The following MAN2A1 variants were observed in gnomAD, a reference collection of about 807,000 sequenced individuals.
MAN2A1 encodes mannosidase alpha class 2A member 1.
Under a neutral mutation model 142.6 loss-of-function variants are expected in MAN2A1, and 76 were observed. That is an observed-to-expected ratio of 0.53 (90% confidence interval 0.44 to 0.65). The LOEUF (loss-of-function observed/expected upper bound fraction) is 0.65, where lower values mean the gene tolerates loss of function less well. Ranked by LOEUF, MAN2A1 falls within the 30% of genes least tolerant of loss-of-function variation. MAN2A1 has a pLI of 0.00. For missense variants in MAN2A1, 1,311 were observed against 1,365.1 expected, an observed-to-expected ratio of 0.96 and a Z score of 0.62; for synonymous variants, 559 against 473.2, an observed-to-expected ratio of 1.18 and a Z score of -2.35.
At chr5:109,739,528 ATTGAGTCTTTTCTGGCT>A (rs902969147) in intron 4 of MAN2A1, among the ~76,000 whole-genome samples, 2 of 152,030 alleles carry the variant, frequency 1.3e-5, no homozygotes, top group African/African-American at 4.8e-5. Flanking sequence ...GTACTCTGGT[ATTGAGTCTTTTCTGGCT>A]TTGAGTATTT....
chr5:109,753,385 G>A (rs76226416), intron 4 of MAN2A1, among the ~76,000 whole-genome samples: 2,814 of 152,232 alleles, frequency 0.018, 34 homozygotes, highest in Middle Eastern at 0.071. Context: ...AAAGAAGGGC[G>A]TTTTTTAGAA....
chr5:109,701,327 C>T (rs1159682127), intron 1 of MAN2A1, among the ~76,000 whole-genome samples: 2 of 152,144 alleles, frequency 1.3e-5, no homozygotes, highest in Non-Finnish European at 2.9e-5. Flanking sequence ...AAGTACGGTG[C>T]TTATGAAGGC....
intron 9 of MAN2A1, among the ~76,000 whole-genome samples, chr5:109,784,276 CCT>C (rs1356318924): frequency 6.6e-6 from 1 of 152,198 alleles, no homozygotes; most frequent in Non-Finnish European, 1.5e-5. Flanking sequence ...CCTCTCCTCT[CCT>C]CTGAGTGTCC....
chr5:109,867,055 A>T lies in MAN2A1; in HGVS notation c.*57A>T. 7.0e-7 allele frequency: 1 copy of T among 1,420,462 alleles called. No individual in the cohort carries two copies. Among genetic ancestry groups the T allele is most frequent in the East Asian group, 2.5e-5 (1 of 40,756 alleles). The allele number at this position is 1,420,462 out of a possible 1,614,324, so 88.0% of individuals were successfully genotyped here. A position where few individuals can be genotyped will look rare whatever the true frequency, so the allele number is the denominator to read the frequency against. Reference sequence around the variant, plus strand: ...TGGCTTTTATACCTTTCTTGGTTTGACGTGCAATAAAGAAGCACATTATTT... The same window carrying T: ...TGGCTTTTATACCTTTCTTGGTTTGTCGTGCAATAAAGAAGCACATTATTT... On this transcript the variant is annotated 3_prime_UTR_variant, in exon 22 of 22. Transcript: ENST00000261483.
intron 1 of MAN2A1, among the ~76,000 whole-genome samples, chr5:109,698,953 A>C (rs373772072): frequency 6.6e-6 from 1 of 151,998 alleles, no homozygotes. Flanking sequence ...AAATATATGC[A>C]TATACCTCTG....
chr5:109,751,842 C>G (rs1752557329), intron 4 of MAN2A1, among the ~76,000 whole-genome samples: 1 of 151,936 alleles, frequency 6.6e-6, no homozygotes, highest in Non-Finnish European at 1.5e-5. Context: ...ATCTTTGACT[C>G]TCCTTTTGCT....
At chr5:109,754,933 G>A (rs569971388) in intron 4 of MAN2A1, among the ~76,000 whole-genome samples, 7 of 152,306 alleles carry the variant, frequency 4.6e-5, no homozygotes, top group Admixed American at 2.0e-4. Flanking sequence ...CCTGGGAGGC[G>A]GAGGTTGCAG....
chr5:109,820,069 G>C, intron 14 of MAN2A1, 151 bp from the exon 15 acceptor site: 5 of 776,984 alleles, frequency 6.4e-6, no homozygotes, highest in Non-Finnish European at 8.1e-6. Context: ...TGTATAGTCT[G>C]TGGGTGGCGC....
At chr5:109,847,013 T>C (rs1461132205) in intron 18 of MAN2A1, among the ~76,000 whole-genome samples, 2 of 151,792 alleles carry the variant, frequency 1.3e-5, no homozygotes, top group Non-Finnish European at 3.0e-5. Flanking sequence ...TCAATTTTTT[T>C]TTGAAGAAGA....
At chr5:109,866,245 A>G (rs1442408546) in intron 21 of MAN2A1, among the ~76,000 whole-genome samples, 2 of 144,814 alleles carry the variant, frequency 1.4e-5, no homozygotes, top group Admixed American at 6.9e-5. Flanking sequence ...GCCTTGAGTC[A>G]TAAGGGGGTT....
At chr5:109,842,970 T>C (rs759417349) in intron 17 of MAN2A1, among the ~76,000 whole-genome samples, 2 of 151,904 alleles carry the variant, frequency 1.3e-5, no homozygotes, top group Non-Finnish European at 2.9e-5. Flanking sequence ...TACACCCAGC[T>C]AATTTTTGTA....
chr5:109,816,452 C>T (rs1754464305), intron 12 of MAN2A1, among the ~76,000 whole-genome samples: 2 of 151,668 alleles, frequency 1.3e-5, no homozygotes, highest in South Asian at 4.2e-4. Flanking sequence ...TTTTTTTCAC[C>T]ATTACTTACT....
intron 1 of MAN2A1, among the ~76,000 whole-genome samples, chr5:109,704,541 G>A (rs1866373): frequency 0.18 from 26,836 of 152,072 alleles, 3,263 homozygotes; most frequent in East Asian, 0.64. Context: ...CGTGGCCACA[G>A]CCCCAGTTCA....
chr5:109,747,156 C>A (rs1432928666), intron 4 of MAN2A1, among the ~76,000 whole-genome samples: 3 of 152,076 alleles, frequency 2.0e-5, no homozygotes, highest in African/African-American at 7.2e-5. Context: ...CCCTTCTTTC[C>A]ATCTCCAGAA....
At position 109,742,244 on chromosome 5, in the gene MAN2A1, C is replaced by T. The variant is rs537375570; in HGVS notation, c.707+12731C>T. Among the ~76,000 whole-genome samples, 5 of 152,278 alleles carry T rather than the reference C, an allele frequency of 3.3e-5. No homozygotes were observed. The South Asian group carries it at 8.3e-4, about 25-fold the overall frequency. On this transcript the variant is annotated intron_variant, in intron 4 of 21. Coordinates refer to ENST00000261483, the MANE Select transcript of MAN2A1 (RefSeq NM_002372.4). ...GGAGAAACCCACGAATTATTAGAAC[C>T]TAAGAACAGTTTATATATTCACCAA... is the stretch of plus-strand genomic sequence containing the variant.
intron 8 of MAN2A1, among the ~76,000 whole-genome samples, chr5:109,780,238 T>G (rs1753418880): frequency 6.6e-6 from 1 of 152,026 alleles, no homozygotes; most frequent in Admixed American, 6.6e-5. Flanking sequence ...TTTTTTGTAT[T>G]TTTAGTAGAG....
chr5:109,856,787 G>A (rs991869455), intron 20 of MAN2A1, among the ~76,000 whole-genome samples: 1 of 152,168 alleles, frequency 6.6e-6, no homozygotes, highest in Non-Finnish European at 1.5e-5. Flanking sequence ...GTGTGCGTGT[G>A]TGTGTATTGA....
chr5:109,759,863 T>C (rs34837720), intron 5 of MAN2A1, among the ~76,000 whole-genome samples: 1 of 151,898 alleles, frequency 6.6e-6, no homozygotes, highest in South Asian at 2.1e-4. Context: ...ATGCTGAGTA[T>C]GTTTTGTTGT....
intron 20 of MAN2A1, among the ~76,000 whole-genome samples, chr5:109,861,869 C>T (rs938074784): frequency 3.9e-5 from 6 of 152,086 alleles, no homozygotes; most frequent in African/African-American, 9.7e-5. Flanking sequence ...CATCCATTGG[C>T]GGGAGAAGAC....
Sources: allele counts gnomAD v4.1 joint callset (sites outside exome capture counted in the v4.1 genomes callset), GRCh38; gene constraint gnomAD v4.1.1; transcripts MANE v1.5; gene names NCBI Gene and HGNC (gene_info 2026-07-23, HGNC 2026-07-21).